MECOM: variants seen among roughly 807,000 people sequenced by gnomAD.
MECOM encodes the protein histone-lysine N-methyltransferase MECOM.
MECOM carries 13 observed loss-of-function variants against 116.3 expected under a neutral mutation model. That is an observed-to-expected ratio of 0.11 (90% CI 0.07 to 0.18). The LOEUF is 0.18. MECOM is among the 10% of genes least tolerant of loss of function. The pLI is 1.00. For missense variants in MECOM, 1,299 were observed against 1,509.0 expected (o/e 0.86, Z 2.31); for synonymous variants, 528 against 535.2 (o/e 0.99, Z 0.19).
At chr3:169,414,378 C>T (rs747674302) in intron 1 of MECOM, among the ~76,000 whole-genome samples, 2 of 152,206 alleles carry the variant, frequency 1.3e-5, no homozygotes, top group Admixed American at 1.3e-4. Context: ...AAACCTCCAT[C>T]CAAAGATGGA....
intron 2 of MECOM, among the ~76,000 whole-genome samples, chr3:169,265,286 C>A (rs574286919): frequency 3.3e-5 from 5 of 152,216 alleles, no homozygotes; most frequent in African/African-American, 1.2e-4. Flanking sequence ...TAAGATGTGG[C>A]AGGCAGGCAT....
At chr3:169,637,360 CA>C in intron 1 of MECOM, among the ~76,000 whole-genome samples, 1 of 152,262 alleles carries the variant, frequency 6.6e-6, no homozygotes, top group South Asian at 2.1e-4. Context: ...ACTGTTGTTT[CA>C]AGCCATTAAG....
intron 3 of MECOM, among the ~76,000 whole-genome samples, chr3:169,137,016 G>A (rs909437343): frequency 1.3e-5 from 2 of 152,088 alleles, no homozygotes; most frequent in African/African-American, 4.8e-5. Flanking sequence ...AATCTGTACT[G>A]AGAGAAAACC....
intron 1 of MECOM, among the ~76,000 whole-genome samples, chr3:169,453,927 A>G (rs1229383646): frequency 1.3e-5 from 2 of 152,150 alleles, no homozygotes; most frequent in Non-Finnish European, 2.9e-5. Context: ...TAATAAAAAA[A>G]AAACTCTGTT....
intron 1 of MECOM, among the ~76,000 whole-genome samples, chr3:169,457,428 AG>A (rs1433567058): frequency 1.3e-5 from 2 of 152,238 alleles, no homozygotes; most frequent in Non-Finnish European, 2.9e-5. Flanking sequence ...AAATTAGTAT[AG>A]TACTTAAAGG....
chr3:169,102,169 C>T lies in MECOM; in HGVS notation c.2662G>A (p.Glu888Lys), dbSNP rs770264557. 6 of 1,613,750 alleles carry T rather than the reference C, an allele frequency of 3.7e-6. No individual in the cohort carries two copies. In the East Asian group the frequency reaches 1.3e-4, roughly 36 times the overall value. The change falls in exon 11 of 17, where the codon GAG (glutamate) becomes AAG (lysine). Residue 888 changes from glutamate (E) to lysine (K), a missense_variant. This residue lies in a region of MECOM where 340 missense variants were observed against 312.6 expected (regional missense o/e 1.09). Coordinates refer to ENST00000651503, the MANE Select transcript of MECOM (RefSeq NM_004991.4). Reference protein sequence around the residue: ...KLESFSALKPEASELLQSVPS... With the variant: ...KLESFSALKPKASELLQSVPS... ...ACTGACTGTAAGAGCTCACTGGCCT[C>T]AGGTTTCAGGGCACTGAAGCTCTCT... is the stretch of plus-strand genomic sequence containing the variant.
At chr3:169,590,559 T>C (rs1261994385) in intron 1 of MECOM, among the ~76,000 whole-genome samples, 1 of 152,220 alleles carries the variant, frequency 6.6e-6, no homozygotes, top group Non-Finnish European at 1.5e-5. Context: ...GTCACATAGG[T>C]ACAAAGGAGG....
chr3:169,484,981 C>T (rs2108876247), intron 1 of MECOM, among the ~76,000 whole-genome samples: 1 of 150,928 alleles, frequency 6.6e-6, no homozygotes. Context: ...CTGATCTTTA[C>T]TCTTGCTTAT....
Position 169,315,368 on chromosome 3 carries a change from T to G in MECOM, c.375+65819A>C, listed in dbSNP as rs140916827. Among the ~76,000 whole-genome samples the G allele has an allele frequency of 6.4e-3, 976 of 152,328 alleles. 7 individuals are homozygous for G. Among genetic ancestry groups the G allele is most frequent in the South Asian group, 0.021 (100 of 4,826 alleles). ...TCTTTTCACACTTCATTCGGATATA[T>G]CTGTTTATTCTTTGTAAAATACAGT... On this transcript the variant is annotated intron_variant, in intron 2 of 16. Coordinates refer to ENST00000651503, the MANE Select transcript of MECOM (RefSeq NM_004991.4).
intron 3 of MECOM, chr3:169,133,980 A>T (rs991830959): frequency 3.1e-6 from 4 of 1,288,690 alleles, no homozygotes; most frequent in Non-Finnish European, 4.0e-6. Flanking sequence ...TGACATTTGA[A>T]TTGTGACATA....
intron 2 of MECOM, among the ~76,000 whole-genome samples, chr3:169,175,642 C>A (rs1040549520): frequency 9.2e-5 from 14 of 152,150 alleles, no homozygotes; most frequent in Non-Finnish European, 1.9e-4. Context: ...ACGGAAAGGT[C>A]CCAGCAGCAG....
intron 1 of MECOM, among the ~76,000 whole-genome samples, chr3:169,486,995 G>T (rs1286912155): frequency 2.0e-5 from 3 of 151,694 alleles, no homozygotes; most frequent in Non-Finnish European, 4.4e-5. Flanking sequence ...GTTCTATTTA[G>T]ATTTTTTTTA....
intron 5 of MECOM, among the ~76,000 whole-genome samples, chr3:169,123,456 T>C (rs1731763893): frequency 6.6e-6 from 1 of 151,920 alleles, no homozygotes; most frequent in South Asian, 2.1e-4. Context: ...CTCACAAGCA[T>C]AGTTTCTCTG....
chr3:169,627,018 A>T (rs1577173341), intron 1 of MECOM, among the ~76,000 whole-genome samples: 1 of 152,296 alleles, frequency 6.6e-6, no homozygotes, highest in South Asian at 2.1e-4. Context: ...AAAATTGCTG[A>T]TGTTGGTCTG....
intron 2 of MECOM, among the ~76,000 whole-genome samples, chr3:169,338,874 A>C (rs1244110945): frequency 6.6e-6 from 1 of 152,022 alleles, no homozygotes; most frequent in Non-Finnish European, 1.5e-5. Flanking sequence ...ATCGGGAGGA[A>C]GAGAGTGATA....
At chr3:169,561,200 A>G (rs891585990) in intron 1 of MECOM, among the ~76,000 whole-genome samples, 1 of 152,102 alleles carries the variant, frequency 6.6e-6, no homozygotes, top group East Asian at 1.9e-4. Flanking sequence ...GAGCTTTCAT[A>G]CACAGTAAGT....
intron 2 of MECOM, among the ~76,000 whole-genome samples, chr3:169,330,416 A>C (rs1722530942): frequency 1.3e-5 from 2 of 152,354 alleles, no homozygotes; most frequent in East Asian, 1.9e-4. Flanking sequence ...CTTGGAGCTC[A>C]GATAACTATT....
chr3:169,107,994 G>T, intron 9 of MECOM, 42 bp from the exon 10 acceptor site: 2 of 1,570,146 alleles, frequency 1.3e-6, no homozygotes, highest in African/African-American at 1.4e-5. Flanking sequence ...TTACTTCTGT[G>T]TTGGTATCTT....
chr3:169,301,296 A>T (rs1716672394), intron 2 of MECOM, among the ~76,000 whole-genome samples: 1 of 152,222 alleles, frequency 6.6e-6, no homozygotes, highest in African/African-American at 2.4e-5. Flanking sequence ...CAAAGTGATT[A>T]TAGAAATACA....
Sources: allele counts gnomAD v4.1 joint callset (sites outside exome capture counted in the v4.1 genomes callset), GRCh38; gene constraint gnomAD v4.1.1; regional missense constraint gnomAD v4.1.1; transcripts MANE v1.5; gene names NCBI Gene and HGNC (gene_info 2026-07-23, HGNC 2026-07-21).